Variants in CCDC149 observed in about 807,000 individuals in gnomAD.
The protein encoded by CCDC149 is coiled-coil domain containing 149.
A neutral mutation model predicts 59.9 loss-of-function variants in CCDC149; 45 were observed. That is an observed-to-expected ratio of 0.75 (90% CI 0.59 to 0.96). The LOEUF (loss-of-function observed/expected upper bound fraction) is 0.96, where lower values mean the gene tolerates loss of function less well. Ranked by LOEUF, CCDC149 falls within the 40% of genes least tolerant of loss-of-function variation. CCDC149 has a pLI of 0.00. For missense variants in CCDC149, 584 were observed against 664.7 expected, an observed-to-expected ratio of 0.88 and a Z score of 1.33; for synonymous variants, 245 against 260.6, an observed-to-expected ratio of 0.94 and a Z score of 0.58.
intron 1 of CCDC149, among the ~76,000 whole-genome samples, chr4:24,884,783 TAA>T (rs1720057910): frequency 1.3e-5 from 2 of 152,230 alleles, no homozygotes; most frequent in Admixed American, 1.3e-4. Flanking sequence ...TTAGTATATG[TAA>T]AACATTTAAA....
intron 1 of CCDC149, among the ~76,000 whole-genome samples, chr4:24,931,787 A>G (rs1403441799): frequency 1.5e-5 from 2 of 137,928 alleles, no homozygotes; most frequent in Non-Finnish European, 3.1e-5. Flanking sequence ...GAATTCTGGC[A>G]GCACTGTAAT....
At chr4:24,864,615 C>T (rs1218203324) in intron 3 of CCDC149, among the ~76,000 whole-genome samples, 3 of 152,206 alleles carry the variant, frequency 2.0e-5, no homozygotes, top group Non-Finnish European at 4.4e-5. Flanking sequence ...TCCGGTCTCC[C>T]GTTCAGCTGG....
At chr4:24,937,977 G>C (rs1722831400) in intron 1 of CCDC149, among the ~76,000 whole-genome samples, 1 of 151,934 alleles carries the variant, frequency 6.6e-6, no homozygotes, top group Non-Finnish European at 1.5e-5. Flanking sequence ...TGTGTAGGGG[G>C]CTATTTGATA....
intron 1 of CCDC149, among the ~76,000 whole-genome samples, chr4:24,959,266 G>A (rs1027635053): frequency 6.6e-6 from 1 of 151,738 alleles, no homozygotes; most frequent in Non-Finnish European, 1.5e-5. Context: ...GAGCCACTGC[G>A]CCCGGTCAAA....
At chr4:24,830,009 G>C (rs1271640695) in intron 9 of CCDC149, 1 of 153,132 alleles carries the variant, frequency 6.5e-6, no homozygotes, top group Non-Finnish European at 1.5e-5. Context: ...GGAGGTCCCA[G>C]GGGAGCAGAG....
chr4:24,853,804 C>T (rs550988455), intron 3 of CCDC149, among the ~76,000 whole-genome samples: 1 of 152,010 alleles, frequency 6.6e-6, no homozygotes, highest in Non-Finnish European at 1.5e-5. Flanking sequence ...TTCTAGGGGG[C>T]GGCCAGAGAA....
At chr4:24,843,849 C>G (rs763234899) in intron 4 of CCDC149, among the ~76,000 whole-genome samples, 1 of 152,096 alleles carries the variant, frequency 6.6e-6, no homozygotes, top group African/African-American at 2.4e-5. Context: ...CACAATATGA[C>G]CTGCTCCTAC....
Position 24,864,770 on chromosome 4 carries a change from G to C in CCDC149, c.264+8911C>G, listed in dbSNP as rs535038412. 2.6e-5 allele frequency among the ~76,000 whole-genome samples: 4 copies of C among 152,234 alleles called. No homozygotes were observed. In the East Asian group the frequency reaches 7.7e-4, roughly 29 times the overall value. Reference sequence around the variant, plus strand: ...AATTTACTAAATACAGTTGATCCTTGAACAACACAGGCTTGAACCACACAG... The same window carrying C: ...AATTTACTAAATACAGTTGATCCTTCAACAACACAGGCTTGAACCACACAG... On this transcript the variant is annotated intron_variant, in intron 3 of 12. Coordinates refer to ENST00000635206, the MANE Select transcript of CCDC149 (RefSeq NM_001330643.2).
intron 1 of CCDC149, among the ~76,000 whole-genome samples, chr4:24,910,752 A>C (rs1008451137): frequency 3.3e-5 from 5 of 152,202 alleles, no homozygotes; most frequent in Admixed American, 6.5e-5. Context: ...CAGGATTCAA[A>C]TCCTGCCTCT....
chr4:24,939,418 G>A (rs577513417), intron 1 of CCDC149, among the ~76,000 whole-genome samples: 2 of 152,066 alleles, frequency 1.3e-5, no homozygotes, highest in African/African-American at 4.8e-5. Flanking sequence ...AAAGACCAAA[G>A]GTAGATAAAA....
intron 1 of CCDC149, among the ~76,000 whole-genome samples, chr4:24,877,346 C>T (rs535317802): frequency 9.2e-5 from 14 of 152,054 alleles, no homozygotes; most frequent in Non-Finnish European, 1.3e-4. Context: ...CCACCATGCC[C>T]GGCTAATTTT....
At chr4:24,875,077 G>A (rs373290137) in intron 2 of CCDC149, among the ~76,000 whole-genome samples, 8 of 152,186 alleles carry the variant, frequency 5.3e-5, no homozygotes, top group African/African-American at 1.9e-4. Flanking sequence ...GGGAGGGCGA[G>A]GCGGGCAGAT....
intron 1 of CCDC149, among the ~76,000 whole-genome samples, chr4:24,931,020 T>C (rs1408023837): frequency 6.6e-6 from 1 of 152,046 alleles, no homozygotes; most frequent in Non-Finnish European, 1.5e-5. Flanking sequence ...TGGTTTCCTC[T>C]TGCCTCGTGG....
intron 11 of CCDC149, 90 bp from the exon 12 acceptor site, chr4:24,820,065 G>C: frequency 1.1e-6 from 1 of 871,380 alleles, no homozygotes; most frequent in Non-Finnish European, 1.8e-6. Flanking sequence ...CACAGGGCTG[G>C]CTACCCACAG....
intron 1 of CCDC149, among the ~76,000 whole-genome samples, chr4:24,929,022 CAG>C: frequency 6.6e-6 from 1 of 152,304 alleles, no homozygotes; most frequent in Admixed American, 6.5e-5. Context: ...AACAAAGAAT[CAG>C]TGCCCTTTTT....
At chr4:24,908,617 T>C (rs191418360) in intron 1 of CCDC149, among the ~76,000 whole-genome samples, 460 of 152,118 alleles carry the variant, frequency 3.0e-3, no homozygotes, top group Non-Finnish European at 4.9e-3. Flanking sequence ...GGAGAATCCC[T>C]TGGGCCCAGG....
chr4:24,815,903 C>G (rs1184137977), intron 12 of CCDC149, among the ~76,000 whole-genome samples: 1 of 151,948 alleles, frequency 6.6e-6, no homozygotes, highest in Non-Finnish European at 1.5e-5. Context: ...TAAAACACAG[C>G]CACGATAAGA....
chr4:24,847,076 G>A (rs1717334011), intron 4 of CCDC149, among the ~76,000 whole-genome samples: 1 of 152,202 alleles, frequency 6.6e-6, no homozygotes, highest in Non-Finnish European at 1.5e-5. Flanking sequence ...AGTCGAGGCT[G>A]GTGATCAGGA....
chr4:24,888,623 T>A (rs1720339626), intron 1 of CCDC149, among the ~76,000 whole-genome samples: 1 of 152,134 alleles, frequency 6.6e-6, no homozygotes, highest in African/African-American at 2.4e-5. Flanking sequence ...TCTCCAGACA[T>A]GGGTTTGGTT....
Sources: allele counts gnomAD v4.1 joint callset (sites outside exome capture counted in the v4.1 genomes callset), GRCh38; gene constraint gnomAD v4.1.1; transcripts MANE v1.5; gene names NCBI Gene and HGNC (gene_info 2026-07-23, HGNC 2026-07-21).